Variants in TLN2 observed in about 807,000 individuals in gnomAD.
The protein encoded by TLN2 is talin-2.
TLN2 carries 118 observed loss-of-function variants against 294.7 expected under a neutral mutation model. The observed-to-expected ratio is 0.40, with a 90% CI of 0.34 to 0.47. The LOEUF (loss-of-function observed/expected upper bound fraction) is 0.47. TLN2 is among the 20% of genes least tolerant of loss of function. The pLI, the probability that TLN2 is intolerant of heterozygous loss-of-function variation, is 0.84. For synonymous variants in TLN2, 1,431 were observed against 1,304.5 expected (o/e 1.10, Z -2.09); for missense variants, 3,083 against 3,282.2 (o/e 0.94, Z 1.48).
chr15:62,792,408 G>A (rs953570904), intron 45 of TLN2, among the ~76,000 whole-genome samples: 3 of 152,162 alleles, frequency 2.0e-5, no homozygotes, highest in Non-Finnish European at 4.4e-5. Flanking sequence ...AGGGTATCAC[G>A]CTAGGACCTC....
chr15:62,465,490 A>G (rs181287912), intron 1 of TLN2, among the ~76,000 whole-genome samples: 5 of 152,326 alleles, frequency 3.3e-5, no homozygotes, highest in Admixed American at 1.3e-4. Context: ...TTTACATGTA[A>G]AACAGTCCCT....
chr15:62,838,902 C>T lies in TLN2; in HGVS notation c.7421C>T (p.Ala2474Val). ...AGAGCCTCAGACAATCTTGTCCGTG[C>T]AGCCCAGAAGGCAGCTTTTGGCAAA... ...VKRASDNLVR[A>V]AQKAAFGKAD... is the part of the protein sequence containing the mutation. Residue 2474 changes from alanine to valine, a missense_variant, in exon 58 of 59, where the codon GCA becomes GTA. Coordinates refer to ENST00000636159, the MANE Select transcript of TLN2 (RefSeq NM_015059.3). 6.2e-7 allele frequency: 1 copy of T among 1,611,758 alleles called. No homozygotes were observed. Among genetic ancestry groups the T allele is most frequent in the Admixed American group, 1.7e-5 (1 of 59,866 alleles).
At chr15:62,670,074 C>T (rs1439858299) in intron 9 of TLN2, among the ~76,000 whole-genome samples, 1 of 152,154 alleles carries the variant, frequency 6.6e-6, no homozygotes, top group Non-Finnish European at 1.5e-5. Flanking sequence ...TGGTGGTCAG[C>T]ATATTCTACC....
rs747736381 is a variant in TLN2 at position 62,797,245 on chromosome 15, C to T, written c.6077C>T (p.Ala2026Val). 1.2e-6 allele frequency: 2 copies of T among 1,614,032 alleles called. No homozygotes were observed. The highest frequency in any genetic ancestry group is 1.7e-6 in the Non-Finnish European group (2 of 1,180,054). The change falls in exon 48 of 59, where the codon GCC becomes GTC. Residue 2026 changes from alanine to valine, a missense_variant. Ala to Val is a moderately conservative substitution (Grantham distance 64). Coordinates refer to ENST00000636159, the MANE Select transcript of TLN2 (RefSeq NM_015059.3). ...GAGAACATTCTCAAGACGGCCAAGG[C>T]CTTGGTAGAAGACACGAAACTACTT... ...HRENILKTAK[A>V]LVEDTKLLVS...
chr15:62,624,275 C>G (rs1304046876), intron 3 of TLN2, among the ~76,000 whole-genome samples: 1 of 152,148 alleles, frequency 6.6e-6, no homozygotes. Flanking sequence ...GAAAATTAGT[C>G]TTAGCTGGCT....
intron 1 of TLN2, among the ~76,000 whole-genome samples, chr15:62,484,093 G>A (rs1211027813): frequency 2.6e-5 from 4 of 152,140 alleles, no homozygotes; most frequent in Admixed American, 2.0e-4. Context: ...GCAGTGCTGC[G>A]GGATGACTGG....
chr15:62,669,544 G>T (rs1417018876), intron 9 of TLN2, among the ~76,000 whole-genome samples: 1 of 152,182 alleles, frequency 6.6e-6, no homozygotes, highest in Non-Finnish European at 1.5e-5. Context: ...TTTGTAGATG[G>T]CTGCCCTTTT....
intron 1 of TLN2, among the ~76,000 whole-genome samples, chr15:62,505,288 G>C (rs1481441576): frequency 1.3e-5 from 2 of 152,122 alleles, no homozygotes; most frequent in African/African-American, 4.8e-5. Flanking sequence ...ACCTTCAGAG[G>C]ATAATTTTTG....
intron 1 of TLN2, among the ~76,000 whole-genome samples, chr15:62,479,899 A>G (rs1227564324): frequency 6.6e-6 from 1 of 152,252 alleles, no homozygotes; most frequent in African/African-American, 2.4e-5. Context: ...TAAACTCAAC[A>G]AAGTAATTCC....
At chr15:62,833,779 A>G in intron 55 of TLN2, 150 bp downstream of exon 55, 2 of 1,163,956 alleles carry the variant, frequency 1.7e-6, no homozygotes, top group Non-Finnish European at 2.3e-6. Context: ...TGACCGACTG[A>G]AAACTACAGC....
At position 62,764,011 on chromosome 15, in the gene TLN2, AC is replaced by A. The variant is rs746559784; in HGVS notation, c.5094+317del. Among the ~76,000 whole-genome samples, 16 of 152,214 alleles carry A rather than the reference AC, an allele frequency of 1.1e-4. 1 individual carries two copies. Among genetic ancestry groups the A allele is most frequent in the Admixed American group, 2.6e-4 (4 of 15,280 alleles). On this transcript the variant is annotated intron_variant, in intron 40 of 58. Coordinates refer to ENST00000636159, the MANE Select transcript of TLN2 (RefSeq NM_015059.3). ...CGGTGGGTACCGTGTTTGTTTTAAC[AC>A]ATCAGTAGAGTGGACCTAGGTATGT... is the stretch of plus-strand genomic sequence containing the variant.
intron 1 of TLN2, among the ~76,000 whole-genome samples, chr15:62,495,816 G>A (rs1210488536): frequency 6.6e-6 from 1 of 152,164 alleles, no homozygotes; most frequent in Non-Finnish European, 1.5e-5. Context: ...TTTGCAGCAA[G>A]GTGGGGTGTG....
At chr15:62,807,239 A>G (rs1439896751) in intron 51 of TLN2, among the ~76,000 whole-genome samples, 1 of 152,182 alleles carries the variant, frequency 6.6e-6, no homozygotes, top group Non-Finnish European at 1.5e-5. Context: ...ATCAGAGAGT[A>G]AAGGCCTGCA....
chr15:62,825,881 T>TAA (rs1159869540), intron 54 of TLN2, among the ~76,000 whole-genome samples: 10 of 115,202 alleles, frequency 8.7e-5, no homozygotes, highest in African/African-American at 3.0e-4. Flanking sequence ...TATATATATA[T>TAA]AATAAGTCAG....
chr15:62,793,154 A>G (rs1363989012), intron 46 of TLN2, among the ~76,000 whole-genome samples: 2 of 152,174 alleles, frequency 1.3e-5, no homozygotes, highest in Non-Finnish European at 2.9e-5. Flanking sequence ...TGTTGACACC[A>G]TCTTTCTTCT....
At position 62,561,725 on chromosome 15, in the gene TLN2, T is replaced by A. The variant is rs1410866610; in HGVS notation, c.-237-27962T>A. ...CACTGTGCCTGATCGCCTGCTGCTG[T>A]CCTTGGTCTTCAGACCCCACCCTGG... On this transcript the variant is annotated intron_variant, in intron 1 of 58. Transcript: ENST00000636159. Among the ~76,000 whole-genome samples the A allele has an allele frequency of 7.0e-5, 9 of 128,916 alleles. No individual in the cohort carries two copies. The Admixed American group carries it at 7.1e-4, about 10-fold the overall frequency. 84.6% of individuals were successfully genotyped at this position (128,916 alleles called of 152,430 possible). A position where few individuals can be genotyped will look rare whatever the true frequency, so the allele number is the denominator to read the frequency against.
chr15:62,490,867 C>T (rs187399950), intron 1 of TLN2, among the ~76,000 whole-genome samples: 55 of 152,190 alleles, frequency 3.6e-4, no homozygotes, highest in Middle Eastern at 3.4e-3. Flanking sequence ...ACACTGAACC[C>T]CCCAAATCTG....
intron 1 of TLN2, 106 bp downstream of exon 1, chr15:62,390,791 T>G (rs960130112): frequency 2.0e-5 from 3 of 147,306 alleles, no homozygotes; most frequent in African/African-American, 8.1e-5. Flanking sequence ...AAATGTGGGG[T>G]TTTTTTTCCT....
intron 53 of TLN2, among the ~76,000 whole-genome samples, chr15:62,819,909 T>C (rs1822566370): frequency 1.3e-5 from 2 of 152,380 alleles, no homozygotes; most frequent in East Asian, 3.9e-4. Flanking sequence ...ATTTCTTTTT[T>C]GTCTGCATTT....
Sources: gnomAD v4.1 joint callset for allele counts (sites outside exome capture counted in the v4.1 genomes callset) on GRCh38, gnomAD v4.1.1 for gene constraint, MANE v1.5 for transcripts, NCBI Gene and HGNC (gene_info 2026-07-23, HGNC 2026-07-21) for gene names.